DOCK4: variants seen among roughly 807,000 people sequenced by gnomAD.
DOCK4 encodes dedicator of cytokinesis 4.
In DOCK4, 97 loss-of-function variants were observed where a neutral mutation model predicts 268.1. The ratio of observed to expected loss-of-function variants is 0.36; its 90% CI spans 0.31 to 0.43. The LOEUF (loss-of-function observed/expected upper bound fraction) is 0.43. DOCK4 is among the 20% of genes least tolerant of loss of function. The pLI is 1.00. For synonymous variants in DOCK4, 954 were observed against 887.2 expected (o/e 1.08, Z -1.34); for missense variants, 2,145 against 2,455.7 (o/e 0.87, Z 2.67).
At chr7:111,908,455 T>A (rs980912091) in intron 13 of DOCK4, among the ~76,000 whole-genome samples, 1 of 150,038 alleles carries the variant, frequency 6.7e-6, no homozygotes, top group Admixed American at 6.6e-5. Context: ...CTCAAAAAAA[T>A]AAATAAAATA....
Position 112,206,233 on chromosome 7 carries a change from C to G in DOCK4, c.-95G>C, listed in dbSNP as rs561964361. ...CAGTCCCCGAGCAGCGCTGCAGTGC[C>G]GGAGCCCAGCGGCTTCGCGCGGGCT... On this transcript the variant is annotated 5_prime_UTR_variant, in exon 1 of 53. Transcript: ENST00000428084. 345 of 1,372,928 alleles carry G rather than the reference C, an allele frequency of 2.5e-4. 1 individual carries two copies. Among genetic ancestry groups the G allele is most frequent in the Non-Finnish European group, 3.1e-4 (304 of 993,964 alleles). 85.0% of individuals were successfully genotyped at this position (1,372,928 alleles called of 1,614,324 possible).
At chr7:112,147,510 TA>T (rs1470961912) in intron 1 of DOCK4, among the ~76,000 whole-genome samples, 2 of 152,180 alleles carry the variant, frequency 1.3e-5, no homozygotes, top group Admixed American at 1.3e-4. Flanking sequence ...ATATTTTGCC[TA>T]AAAATATTTT....
chr7:112,018,179 A>AAAAAAAAAAAAAAAAAAAAAAAAACAAC lies in DOCK4; in HGVS notation c.38-14049_38-14048insGTTGTTTTTTTTTTTTTTTTTTTTTTTT. Among the ~76,000 whole-genome samples, 5 of 72,590 alleles carry AAAAAAAAAAAAAAAAAAAAAAAAACAAC rather than the reference A, an allele frequency of 6.9e-5. 2 individuals carry two copies. Among genetic ancestry groups the AAAAAAAAAAAAAAAAAAAAAAAAACAAC allele is most frequent in the African/African-American group, 2.7e-4 (5 of 18,470 alleles). 47.6% of individuals were successfully genotyped at this position (72,590 alleles called of 152,430 possible). On this transcript the variant is annotated intron_variant, in intron 1 of 52. Transcript: ENST00000428084. The stretch of plus-strand genomic sequence containing the variant: ...AAAAAAAAAAAAAAAAAAAAAAAAA[A>AAAAAAAAAAAAAAAAAAAAAAAAACAAC]ACACAGGCAACCAGTATTCATGTGG...
chr7:111,881,173 A>G (rs1197063203), intron 16 of DOCK4, among the ~76,000 whole-genome samples: 4 of 152,210 alleles, frequency 2.6e-5, no homozygotes, highest in African/African-American at 7.2e-5. Context: ...CAAACTACCT[A>G]TTTGATGAGG....
intron 1 of DOCK4, among the ~76,000 whole-genome samples, chr7:112,136,489 C>A (rs1455363567): frequency 6.6e-6 from 1 of 152,226 alleles, no homozygotes; most frequent in South Asian, 2.1e-4. Flanking sequence ...CGCTCCCTCA[C>A]ACATGCGTAA....
intron 52 of DOCK4, among the ~76,000 whole-genome samples, chr7:111,732,000 G>A (rs1381128630): frequency 6.6e-6 from 1 of 152,170 alleles, no homozygotes; most frequent in Admixed American, 6.5e-5. Flanking sequence ...CTACCATTTG[G>A]AGAATGAGGC....
At chr7:111,736,312 G>T (rs148646489) in intron 50 of DOCK4, among the ~76,000 whole-genome samples, 2 of 152,256 alleles carry the variant, frequency 1.3e-5, no homozygotes, top group East Asian at 1.9e-4. Context: ...CCCCGACCCC[G>T]TAGCTGAGGA....
Position 111,945,714 on chromosome 7 carries a change from C to G in DOCK4, c.783+3G>C. 1 of 1,590,156 alleles carries G rather than the reference C, an allele frequency of 6.3e-7. No homozygotes were observed. Among genetic ancestry groups the G allele is most frequent in the Non-Finnish European group, 8.6e-7 (1 of 1,167,388 alleles). ...CCTTATGAATGAAACAAGATCCACT[C>G]ACCACAAAGAGGGAGCAATGTCGTT... On this transcript the variant is annotated splice_donor_region_variant and intron_variant, in intron 9 of 52. Transcript: ENST00000428084.
chr7:111,921,260 T>C (rs1219797977), intron 12 of DOCK4, among the ~76,000 whole-genome samples: 1 of 152,182 alleles, frequency 6.6e-6, no homozygotes, highest in Admixed American at 6.5e-5. Flanking sequence ...TAAAACAACA[T>C]ATGATTCATG....
chr7:111,948,166 A>G (rs1352280549), intron 8 of DOCK4, among the ~76,000 whole-genome samples: 1 of 152,256 alleles, frequency 6.6e-6, no homozygotes. Flanking sequence ...AGGACTTTAC[A>G]TAAATTATCT....
intron 11 of DOCK4, among the ~76,000 whole-genome samples, 192 bp downstream of exon 11, chr7:111,939,918 G>A (rs1213308244): frequency 6.6e-6 from 1 of 152,196 alleles, no homozygotes; most frequent in Admixed American, 6.5e-5. Flanking sequence ...TCTTAATTCA[G>A]TAATTCCTCT....
rs1053342205 is a variant in DOCK4 at position 112,205,995 on chromosome 7, T to C, written c.37+107A>G. The C allele has an allele frequency of 1.4e-5, 17 of 1,256,960 alleles. No individual in the cohort carries two copies. In the African/African-American group the frequency reaches 2.2e-4, roughly 17 times the overall value. The allele number at this position is 1,256,960 out of a possible 1,614,324, so 77.9% of individuals were successfully genotyped here. A position where few individuals can be genotyped will look rare whatever the true frequency, so the allele number is the denominator to read the frequency against. ...CCGTACCAGCTGCGCGATGCCAGGA[T>C]TAGGCATTTTCAACCGGGCGGAGCG... On this transcript the variant is annotated intron_variant, in intron 1 of 52. Transcript: ENST00000428084.
intron 15 of DOCK4, among the ~76,000 whole-genome samples, chr7:111,898,304 A>G (rs985258741): frequency 1.3e-5 from 2 of 152,214 alleles, no homozygotes; most frequent in African/African-American, 4.8e-5. Context: ...CAGACAGAAT[A>G]GTCTCAATGG....
At chr7:112,109,202 G>A (rs916499660) in intron 1 of DOCK4, among the ~76,000 whole-genome samples, 2 of 152,066 alleles carry the variant, frequency 1.3e-5, no homozygotes, top group Non-Finnish European at 2.9e-5. Context: ...CAGCATGCTG[G>A]GTGCTCATGA....
chr7:111,893,487 T>C (rs1808463517), intron 16 of DOCK4, among the ~76,000 whole-genome samples: 1 of 152,186 alleles, frequency 6.6e-6, no homozygotes, highest in Non-Finnish European at 1.5e-5. Context: ...AGCCTTATCT[T>C]TTCTGAGCTA....
rs117719438 is a variant in DOCK4, at chr7:112,026,195, C to T, written c.38-22064G>A. Among the ~76,000 whole-genome samples the T allele has an allele frequency of 7.4e-3, 1,120 of 152,360 alleles. 5 individuals carry two copies. Among genetic ancestry groups the T allele is most frequent in the Non-Finnish European group, 0.013 (866 of 68,034 alleles). ...TTCCTTGGCCTGTTAGGAACCCAAC[C>T]GCACAGCAGAAGGTGAGTGGCAAGC... On this transcript the variant is annotated intron_variant, in intron 1 of 52. Transcript: ENST00000428084.
intron 8 of DOCK4, among the ~76,000 whole-genome samples, chr7:111,975,301 A>C (rs1486445184): frequency 6.6e-6 from 1 of 152,192 alleles, no homozygotes; most frequent in Non-Finnish European, 1.5e-5. Flanking sequence ...TTAGTTTAAC[A>C]GAAATGAGCA....
chr7:111,834,462 A>C, intron 26 of DOCK4, 126 bp downstream of exon 26: 1 of 745,340 alleles, frequency 1.3e-6, no homozygotes, highest in Admixed American at 3.3e-5. Flanking sequence ...TGAGGCTGAG[A>C]AAAACAGCTT....
In DOCK4 at chr7:111,735,053, C is replaced by T; in HGVS notation, c.5419+1G>A. The stretch of plus-strand genomic sequence containing the variant: ...ATCATTCAAATTCTTCAAATACCCA[C>T]CAGTCTGTGTGGGTCTTGGAGGGAC... On this transcript the variant is annotated splice_donor_variant, in intron 51 of 52. Coordinates refer to ENST00000428084, the MANE Select transcript of DOCK4 (RefSeq NM_001363540.2). LOFTEE classifies it high-confidence loss of function. 1.3e-6 allele frequency: 2 copies of T among 1,576,748 alleles called. No individual in the cohort carries two copies. The highest frequency in any genetic ancestry group is 1.3e-5 in the African/African-American group (1 of 74,418).
Sources: allele counts gnomAD v4.1 joint callset (sites outside exome capture counted in the v4.1 genomes callset), GRCh38; gene constraint gnomAD v4.1.1; transcripts MANE v1.5; gene names NCBI Gene and HGNC (gene_info 2026-07-23, HGNC 2026-07-21).